Variants in NRF1 observed in about 807,000 individuals in gnomAD.
NRF1 encodes alpha palindromic-binding protein.
In NRF1, 5 loss-of-function variants were observed where a neutral mutation model predicts 58.5. The ratio of observed to expected loss-of-function variants is 0.09; its 90% CI spans 0.04 to 0.18. The LOEUF is 0.18. Ranked by LOEUF, NRF1 falls within the 10% of genes least tolerant of loss-of-function variation. NRF1 has a pLI of 1.00. For missense variants in NRF1, 288 were observed against 657.7 expected (o/e 0.44, Z 6.15); for synonymous variants, 224 against 246.7 (o/e 0.91, Z 0.86).
At position 129,690,465 on chromosome 7, in the gene NRF1, C is replaced by G. The variant is rs745494640; in HGVS notation, c.525C>G (p.Ala175=). The stretch of plus-strand genomic sequence containing the variant: ...TGGAGTCTGCTCTGGCAGAACACGC[C>G]CCTGCGCCACAGGAGGTTAACTCAG... ...EDLESALAEH[A]PAPQEVNSEL... The change falls in exon 5 of 11, where the codon GCC becomes GCG. Residue 175 remains alanine, a synonymous_variant. Coordinates refer to ENST00000393232, the MANE Select transcript of NRF1 (RefSeq NM_005011.5). 1 of 1,614,136 alleles carries G rather than the reference C, an allele frequency of 6.2e-7. No individual in the cohort carries two copies. The highest frequency in any genetic ancestry group is 1.1e-5 in the South Asian group (1 of 91,072).
chr7:129,619,120 A>T (rs1050938194), intron 1 of NRF1, among the ~76,000 whole-genome samples: 9 of 151,972 alleles, frequency 5.9e-5, no homozygotes, highest in African/African-American at 2.2e-4. Flanking sequence ...TCTACATCTG[A>T]GGGTCAAGTA....
chr7:129,678,600 C>T (rs976646034), intron 4 of NRF1, among the ~76,000 whole-genome samples: 1 of 152,028 alleles, frequency 6.6e-6, no homozygotes, highest in Non-Finnish European at 1.5e-5. Context: ...ATTCCTGAAG[C>T]CCTACAATTA....
intron 1 of NRF1, among the ~76,000 whole-genome samples, chr7:129,653,442 T>G (rs890483918): frequency 6.6e-6 from 1 of 152,206 alleles, no homozygotes; most frequent in Non-Finnish European, 1.5e-5. Context: ...TGAGCCCACA[T>G]TGACACGTCA....
At chr7:129,684,449 C>A (rs1274392349) in intron 4 of NRF1, among the ~76,000 whole-genome samples, 1 of 152,106 alleles carries the variant, frequency 6.6e-6, no homozygotes, top group East Asian at 1.9e-4. Context: ...ACATCCAAAC[C>A]TCAGAATAAA....
At chr7:129,668,114 AT>A (rs1375777319) in intron 2 of NRF1, among the ~76,000 whole-genome samples, 3 of 152,056 alleles carry the variant, frequency 2.0e-5, no homozygotes, top group Non-Finnish European at 4.4e-5. Context: ...CCTGTAATTT[AT>A]TTTTGTATGT....
rs1038811901 is a variant in NRF1 at position 129,611,817 on chromosome 7, G to A, written c.-14G>A. On this transcript the variant is annotated 5_prime_UTR_variant, in exon 1 of 11. Coordinates refer to ENST00000393232, the MANE Select transcript of NRF1 (RefSeq NM_005011.5). Reference sequence around the variant, plus strand: ...GGCGCAGGCCCACGGTAGCGCAGCCGCTCTGAGGTGAGTGCCCTACCGCGC... The same window carrying A: ...GGCGCAGGCCCACGGTAGCGCAGCCACTCTGAGGTGAGTGCCCTACCGCGC... 2 of 209,470 alleles carry A rather than the reference G, an allele frequency of 9.5e-6. No individual in the cohort carries two copies. The highest frequency in any genetic ancestry group is 5.9e-5 in the Admixed American group (1 of 16,864). The allele number at this position is 209,470 out of a possible 1,614,324, so 13.0% of individuals were successfully genotyped here.
At chr7:129,700,174 G>A (rs1477182697) in intron 5 of NRF1, among the ~76,000 whole-genome samples, 1 of 151,892 alleles carries the variant, frequency 6.6e-6, no homozygotes, top group Middle Eastern at 3.2e-3. Context: ...AATTATGATG[G>A]TTATACAACA....
At chr7:129,653,119 C>T (rs1801574833) in intron 1 of NRF1, among the ~76,000 whole-genome samples, 1 of 152,182 alleles carries the variant, frequency 6.6e-6, no homozygotes, top group African/African-American at 2.4e-5. Flanking sequence ...AGTCTACTTT[C>T]TGTCTCTATG....
At chr7:129,737,003 A>G (rs1182916393) in intron 10 of NRF1, among the ~76,000 whole-genome samples, 2 of 152,244 alleles carry the variant, frequency 1.3e-5, no homozygotes, top group Admixed American at 1.3e-4. Flanking sequence ...GCATTAAACA[A>G]GATGATTCCT....
chr7:129,706,891 T>C (rs1176225835), intron 5 of NRF1, among the ~76,000 whole-genome samples: 1 of 152,196 alleles, frequency 6.6e-6, no homozygotes, highest in East Asian at 1.9e-4. Flanking sequence ...AGTCTAGTAT[T>C]CTCCACAGTG....
At chr7:129,716,708 C>A (rs1372566534) in intron 8 of NRF1, among the ~76,000 whole-genome samples, 1 of 151,620 alleles carries the variant, frequency 6.6e-6, no homozygotes, top group African/African-American at 2.4e-5. Flanking sequence ...CCATCTTTAC[C>A]AAAAATACAA....
intron 10 of NRF1, among the ~76,000 whole-genome samples, chr7:129,735,783 T>C (rs1054548251): frequency 6.6e-6 from 1 of 152,022 alleles, no homozygotes; most frequent in African/African-American, 2.4e-5. Flanking sequence ...CCGAGGCAGA[T>C]GGATCACGAG....
At chr7:129,691,701 G>T (rs1022060902) in intron 5 of NRF1, among the ~76,000 whole-genome samples, 2 of 152,016 alleles carry the variant, frequency 1.3e-5, no homozygotes, top group Non-Finnish European at 2.9e-5. Context: ...AAATCCACTT[G>T]TCAGGTTTTT....
intron 5 of NRF1, among the ~76,000 whole-genome samples, chr7:129,707,141 G>A (rs1214919333): frequency 1.3e-5 from 2 of 152,006 alleles, no homozygotes; most frequent in East Asian, 3.9e-4. Context: ...CTACAGGCAC[G>A]TGCCACTGTA....
intron 2 of NRF1, among the ~76,000 whole-genome samples, chr7:129,662,120 G>GATTCAGTTACCTCCCACT (rs1801797405): frequency 6.6e-6 from 1 of 151,048 alleles, no homozygotes; most frequent in Non-Finnish European, 1.5e-5. Context: ...CTGCCCGCAT[G>GATTCAGTTACCTCCCACT]ATTCAGTTAC....
At chr7:129,633,461 G>C (rs1293600465) in intron 1 of NRF1, 1 of 152,140 alleles carries the variant, frequency 6.6e-6, no homozygotes, top group African/African-American at 2.4e-5. Context: ...TTGAACCCTT[G>C]TGCACTTTTT....
At chr7:129,720,118 T>A (rs1275865220) in intron 9 of NRF1, among the ~76,000 whole-genome samples, 1 of 152,126 alleles carries the variant, frequency 6.6e-6, no homozygotes, top group African/African-American at 2.4e-5. Context: ...CACTGTGGCA[T>A]AGAGGAGGAA....
intron 1 of NRF1, among the ~76,000 whole-genome samples, chr7:129,629,511 G>T (rs189153526): frequency 6.6e-6 from 1 of 151,816 alleles, no homozygotes; most frequent in East Asian, 2.0e-4. Flanking sequence ...CTGACCTCAG[G>T]TGATCTGTCA....
At chr7:129,686,115 A>T (rs1802438480) in intron 4 of NRF1, among the ~76,000 whole-genome samples, 2 of 151,932 alleles carry the variant, frequency 1.3e-5, no homozygotes, top group Admixed American at 1.3e-4. Flanking sequence ...AAAAAAAAAA[A>T]AAAAAAGGTC....
Sources: gnomAD v4.1 joint callset for allele counts (sites outside exome capture counted in the v4.1 genomes callset) on GRCh38, gnomAD v4.1.1 for gene constraint, MANE v1.5 for transcripts, NCBI Gene and HGNC (gene_info 2026-07-23, HGNC 2026-07-21) for gene names.